Variants in GUCY1B1 observed in about 807,000 individuals in gnomAD.
GUCY1B1 encodes the protein guanylate cyclase 1 soluble subunit beta 1, also known as guanylate cyclase soluble subunit beta-1.
GUCY1B1 carries 43 observed loss-of-function variants against 71.0 expected under a neutral mutation model. The ratio of observed to expected loss-of-function variants is 0.61; its 90% CI spans 0.47 to 0.78. The LOEUF (loss-of-function observed/expected upper bound fraction) is 0.78, where lower values mean the gene tolerates loss of function less well. Among genes scored for constraint, GUCY1B1 ranks in the 30% least tolerant of loss-of-function variants. The pLI is 0.00. For synonymous variants in GUCY1B1, 266 were observed against 259.7 expected, an observed-to-expected ratio of 1.02 and a Z score of -0.23; for missense variants, 535 against 754.1, an observed-to-expected ratio of 0.71 and a Z score of 3.40.
intron 2 of GUCY1B1, among the ~76,000 whole-genome samples, chr4:155,769,392 C>A (rs1357681835): frequency 6.6e-6 from 1 of 152,074 alleles, no homozygotes; most frequent in East Asian, 1.9e-4. Context: ...TAAACTTGAA[C>A]CTCTCTAAAT....
At chr4:155,789,630 A>G (rs1295863044) in intron 4 of GUCY1B1, 84 bp from the exon 5 acceptor site, 3 of 754,466 alleles carry the variant, frequency 4.0e-6, no homozygotes, top group Admixed American at 2.4e-5. Context: ...CTCCGATTTG[A>G]CTCGTTTTCA....
At chr4:155,799,110 A>G (rs1302305915) in intron 8 of GUCY1B1, among the ~76,000 whole-genome samples, 1 of 152,180 alleles carries the variant, frequency 6.6e-6, no homozygotes, top group African/African-American at 2.4e-5. Context: ...TCCTAGGATT[A>G]CAGATGTGAG....
intron 4 of GUCY1B1, among the ~76,000 whole-genome samples, chr4:155,786,154 A>C (rs1296080201): frequency 6.6e-6 from 1 of 152,052 alleles, no homozygotes. Context: ...TCCAGTAAAA[A>C]AGATGAGTAT....
intron 5 of GUCY1B1, among the ~76,000 whole-genome samples, chr4:155,793,193 CA>C (rs1470760291): frequency 1.3e-5 from 2 of 152,132 alleles, no homozygotes; most frequent in Admixed American, 6.5e-5. Flanking sequence ...TCTACTGCCT[CA>C]GCTTCCCGAG....
At chr4:155,788,440 C>T (rs1738946382) in intron 4 of GUCY1B1, among the ~76,000 whole-genome samples, 1 of 152,200 alleles carries the variant, frequency 6.6e-6, no homozygotes, top group Non-Finnish European at 1.5e-5. Flanking sequence ...TCTCTGTCAC[C>T]ATGTAGCAGG....
intron 4 of GUCY1B1, among the ~76,000 whole-genome samples, chr4:155,782,935 C>T (rs903592356): frequency 1.3e-5 from 2 of 152,154 alleles, no homozygotes; most frequent in African/African-American, 4.8e-5. Flanking sequence ...TTGATTGATC[C>T]ATCTTGGAAA....
Position 155,796,442 on chromosome 4 carries a change from C to T in GUCY1B1, c.909C>T (p.Cys303=), listed in dbSNP as rs1739560905. Residue 303 remains cysteine, a synonymous_variant, in exon 8 of 14, where the codon TGC becomes TGT. Coordinates refer to ENST00000264424, the MANE Select transcript of GUCY1B1 (RefSeq NM_000857.5). ...AACTGACTGGGACTGAGATCAGCTG[C>T]TTACGTCTCAAGGGTCAAATGATCT... ...EDELTGTEIS[C]LRLKGQMIYL... 1.2e-6 allele frequency: 2 copies of T among 1,611,208 alleles called. No individual in the cohort carries two copies. Among genetic ancestry groups the T allele is most frequent in the African/African-American group, 2.7e-5 (2 of 74,838 alleles).
chr4:155,804,779 T>G (rs1561037430), intron 12 of GUCY1B1, 32 bp downstream of exon 12: 3 of 1,579,618 alleles, frequency 1.9e-6, no homozygotes, highest in Non-Finnish European at 2.6e-6. Context: ...TTTACTGATT[T>G]GCAAAGAAAA....
At position 155,793,981 on chromosome 4, in the gene GUCY1B1, C is replaced by A; in HGVS notation, c.621C>A (p.Arg207=). The A allele has an allele frequency of 1.2e-6, 2 of 1,609,872 alleles. No homozygotes were observed. The highest frequency in any genetic ancestry group is 1.7e-6 in the Non-Finnish European group (2 of 1,176,162). Residue 207 remains arginine, a synonymous_variant, in exon 6 of 14, where the codon CGC becomes CGA. Transcript: ENST00000264424. ...AAGAAAATGGTACCCAGGAATCACG[C>A]ATCAGCCCATATACATTCTGCAAAG... The part of the protein sequence containing the change: ...RFEENGTQES[R]ISPYTFCKAF...
chr4:155,805,381 A>G (rs768908346), intron 13 of GUCY1B1, among the ~76,000 whole-genome samples, 152 bp downstream of exon 13: 19 of 152,216 alleles, frequency 1.2e-4, no homozygotes, highest in Admixed American at 8.5e-4. Flanking sequence ...ATTGAACATT[A>G]ATGAGCCAAT....
Position 155,793,901 on chromosome 4 carries a change from A to T in GUCY1B1, c.541A>T (p.Ile181Phe), listed in dbSNP as rs756120399. 1 of 1,579,170 alleles carries T rather than the reference A, an allele frequency of 6.3e-7. No homozygotes were observed. The highest frequency in any genetic ancestry group is 1.1e-5 in the South Asian group (1 of 90,328). The stretch of plus-strand genomic sequence containing the variant: ...AGAATGTGATCATACTCAATTTTTA[A>T]TTGAAGAAAAAGAGTCAAAAGAAGA... ...NEECDHTQFL[I>F]EEKESKEEDF... The change falls in exon 6 of 14, where the codon ATT (isoleucine) becomes TTT (phenylalanine). Residue 181 changes from isoleucine (I) to phenylalanine (F), a missense_variant. Coordinates refer to ENST00000264424, the MANE Select transcript of GUCY1B1 (RefSeq NM_000857.5).
At chr4:155,784,245 C>A (rs1738619830) in intron 4 of GUCY1B1, among the ~76,000 whole-genome samples, 1 of 152,034 alleles carries the variant, frequency 6.6e-6, no homozygotes. Flanking sequence ...AGAAAAGAAT[C>A]TCTATATCTT....
intron 5 of GUCY1B1, among the ~76,000 whole-genome samples, chr4:155,790,500 G>A (rs1739082934): frequency 6.6e-6 from 1 of 152,094 alleles, no homozygotes; most frequent in East Asian, 1.9e-4. Flanking sequence ...TACTGATAGG[G>A]CAACCGTACA....
At chr4:155,778,217 G>C (rs1260407468) in intron 4 of GUCY1B1, among the ~76,000 whole-genome samples, 1 of 152,154 alleles carries the variant, frequency 6.6e-6, no homozygotes, top group Non-Finnish European at 1.5e-5. Flanking sequence ...AGTTTCAGGT[G>C]AAAAAGTTAA....
intron 4 of GUCY1B1, among the ~76,000 whole-genome samples, chr4:155,788,699 G>T (rs1039217712): frequency 6.6e-6 from 1 of 152,122 alleles, no homozygotes; most frequent in Non-Finnish European, 1.5e-5. Flanking sequence ...TCTCCATTTT[G>T]CCAGAAGAAA....
chr4:155,785,227 C>T (rs1579224282), intron 4 of GUCY1B1: 2 of 850,540 alleles, frequency 2.4e-6, no homozygotes, highest in Non-Finnish European at 3.8e-6. Flanking sequence ...GACCTACTCT[C>T]TATATTTTTC....
intron 9 of GUCY1B1, among the ~76,000 whole-genome samples, chr4:155,800,766 C>T (rs371819121): frequency 6.0e-4 from 91 of 152,242 alleles, no homozygotes; most frequent in African/African-American, 1.9e-3. Flanking sequence ...GCTAATTAAA[C>T]GCACATCACT....
At chr4:155,764,601 T>C (rs976296838) in intron 2 of GUCY1B1, among the ~76,000 whole-genome samples, 3 of 152,170 alleles carry the variant, frequency 2.0e-5, no homozygotes, top group Non-Finnish European at 4.4e-5. Flanking sequence ...TCAGTACAAA[T>C]AAACACATTA....
rs1159807377 is a variant in GUCY1B1 at position 155,786,419 on chromosome 4, AT to A, written c.298-3294del. Among the ~76,000 whole-genome samples the A allele has an allele frequency of 4.2e-5, 6 of 142,996 alleles. No individual in the cohort carries two copies. The East Asian group carries it at 1.2e-3, about 30-fold the overall frequency. 93.8% of individuals were successfully genotyped at this position (142,996 alleles called of 152,430 possible). A position where few individuals can be genotyped will look rare whatever the true frequency, so the allele number is the denominator to read the frequency against. On this transcript the variant is annotated intron_variant, in intron 4 of 13. Coordinates refer to ENST00000264424, the MANE Select transcript of GUCY1B1 (RefSeq NM_000857.5). Reference sequence around the variant, plus strand: ...CTCCCAAGTAGCTGGGACTACAGGCATGCCCCACCACGCCTGGCTAATTTTT... The same window carrying A: ...CTCCCAAGTAGCTGGGACTACAGGCAGCCCCACCACGCCTGGCTAATTTTT...
Sources: allele counts gnomAD v4.1 joint callset (sites outside exome capture counted in the v4.1 genomes callset), GRCh38; gene constraint gnomAD v4.1.1; transcripts MANE v1.5; gene names NCBI Gene and HGNC (gene_info 2026-07-23, HGNC 2026-07-21).